The following DSC2 variants were observed in gnomAD, a reference collection of about 807,000 sequenced individuals.
DSC2 encodes desmocollin-2.
DSC2 carries 51 observed loss-of-function variants against 87.6 expected under a neutral mutation model. That is an observed-to-expected ratio of 0.58 (90% CI 0.46 to 0.74). DSC2 has a LOEUF of 0.74. Ranked by LOEUF, DSC2 falls within the 30% of genes least tolerant of loss-of-function variation. The pLI is 0.00. For synonymous variants in DSC2, 383 were observed against 393.2 expected (o/e 0.97, Z 0.31); for missense variants, 1,066 against 1,089.5 (o/e 0.98, Z 0.30).
rs141393232 is a variant in DSC2, at chr18:31,077,613, T to C, written c.1663+2234A>G. On this transcript the variant is annotated intron_variant, in intron 11 of 15. Coordinates refer to ENST00000280904, the MANE Select transcript of DSC2 (RefSeq NM_024422.6). The stretch of plus-strand genomic sequence containing the variant: ...TATCTAATCCACTGTGTTTCATAGC[T>C]GTTTTTCATATGCTGATGAGTTATA... Among the ~76,000 whole-genome samples the C allele has an allele frequency of 6.6e-5, 10 of 152,358 alleles. No individual in the cohort carries two copies. The East Asian group carries it at 1.7e-3, about 26-fold the overall frequency.
chr18:31,101,808 T>TACC, intron 1 of DSC2, 95 bp downstream of exon 1: 1 of 1,323,898 alleles, frequency 7.6e-7, no homozygotes, highest in Non-Finnish European at 1.0e-6. Flanking sequence ...CCCCAGCTTT[T>TACC]CCCGCCACCC....
intron 4 of DSC2, 21 bp downstream of exon 4, chr18:31,091,007 C>T (rs763422535): frequency 6.2e-7 from 1 of 1,613,794 alleles, no homozygotes; most frequent in Admixed American, 1.7e-5. Flanking sequence ...ACTCCCACAG[C>T]AGAAAGAAAG....
intron 4 of DSC2, 29 bp from the exon 5 acceptor site, chr18:31,089,623 C>T (rs749225532): frequency 3.1e-6 from 5 of 1,602,314 alleles, no homozygotes; most frequent in Non-Finnish European, 4.3e-6. Flanking sequence ...ATACATGAGA[C>T]AAATCTTTAT....
rs886053684 is a variant in DSC2 at position 31,066,571 on chromosome 18, T to C, written c.*1444A>G. ...TTGTGAATTGAAGACAGGCACATTA[T>C]AGATAATCAAAAATATTAGAAACAC... On this transcript the variant is annotated 3_prime_UTR_variant, in exon 16 of 16. Transcript: ENST00000280904. The C allele has an allele frequency of 3.9e-5, 6 of 152,168 alleles. No homozygotes were observed. Among genetic ancestry groups the C allele is most frequent in the Non-Finnish European group, 8.8e-5 (6 of 68,004 alleles). 9.4% of individuals were successfully genotyped at this position (152,168 alleles called of 1,614,324 possible).
At chr18:31,086,319 C>T (rs760495525) in intron 7 of DSC2, among the ~76,000 whole-genome samples, 17 of 152,078 alleles carry the variant, frequency 1.1e-4, no homozygotes, top group Non-Finnish European at 1.9e-4. Context: ...TCATATTTGA[C>T]ATTTTGTTTT....
chr18:31,090,969 T>A, intron 4 of DSC2, 59 bp downstream of exon 4: 1 of 1,608,880 alleles, frequency 6.2e-7, no homozygotes, highest in Non-Finnish European at 8.5e-7. Context: ...ATACTCAGTG[T>A]CATAATGGTA....
chr18:31,093,833 A>G (rs2144851218), intron 1 of DSC2, among the ~76,000 whole-genome samples, 190 bp from the exon 2 acceptor site: 1 of 149,514 alleles, frequency 6.7e-6, no homozygotes, highest in South Asian at 2.1e-4. Context: ...TTAAATATAA[A>G]TACATGAATT....
intron 7 of DSC2, 58 bp from the exon 8 acceptor site, chr18:31,083,118 T>A: frequency 6.3e-7 from 1 of 1,574,812 alleles, no homozygotes; most frequent in Non-Finnish European, 8.6e-7. Context: ...ATAATTGAAA[T>A]CTTACTTTAC....
intron 14 of DSC2, among the ~76,000 whole-genome samples, 190 bp downstream of exon 14, chr18:31,070,536 C>G (rs912788402): frequency 3.3e-5 from 5 of 152,170 alleles, no homozygotes; most frequent in African/African-American, 1.2e-4. Flanking sequence ...TAACACACTA[C>G]GGCCAAATTT....
intron 1 of DSC2, among the ~76,000 whole-genome samples, chr18:31,097,048 C>T (rs1023245360): frequency 2.0e-5 from 3 of 151,490 alleles, no homozygotes; most frequent in Admixed American, 6.6e-5. Context: ...TTTGGGAGGC[C>T]GAGGTGGGCA....
chr18:31,075,546 A>G (rs1567975011), intron 11 of DSC2, among the ~76,000 whole-genome samples: 1 of 152,208 alleles, frequency 6.6e-6, no homozygotes, highest in Non-Finnish European at 1.5e-5. Context: ...CTATCTGTAT[A>G]TTCAATAGAA....
chr18:31,073,458 G>A (rs2144795884), intron 12 of DSC2, among the ~76,000 whole-genome samples: 1 of 151,900 alleles, frequency 6.6e-6, no homozygotes, highest in East Asian at 1.9e-4. Flanking sequence ...AGTTCACAGA[G>A]CAGGATCCAA....
chr18:31,077,142 A>G (rs1987048020), intron 11 of DSC2, among the ~76,000 whole-genome samples: 1 of 152,262 alleles, frequency 6.6e-6, no homozygotes, highest in African/African-American at 2.4e-5. Flanking sequence ...GAAGCAGGAA[A>G]CAACGCAACT....
intron 12 of DSC2, among the ~76,000 whole-genome samples, chr18:31,073,553 C>G (rs2144796133): frequency 6.6e-6 from 1 of 152,256 alleles, no homozygotes; most frequent in Middle Eastern, 3.4e-3. Flanking sequence ...CATAACCTTT[C>G]TTTTCTAATT....
chr18:31,093,664 A>C lies in DSC2; in HGVS notation c.70-21T>G, dbSNP rs552609824. The C allele has an allele frequency of 2.1e-5, 32 of 1,518,806 alleles. 1 individual carries two copies. The South Asian group carries it at 3.8e-4, about 18-fold the overall frequency. The allele number at this position is 1,518,806 out of a possible 1,614,324, so 94.1% of individuals were successfully genotyped here. A position where few individuals can be genotyped will look rare whatever the true frequency, so the allele number is the denominator to read the frequency against. On this transcript the variant is annotated intron_variant, in intron 1 of 15. Transcript: ENST00000280904. ...AAGATCTAAAAAATGAAAAAAAATC[A>C]AATAAATATTATGCATAAAAAGAAA...
chr18:31,091,757 A>C (rs1987606669), intron 3 of DSC2, among the ~76,000 whole-genome samples: 1 of 152,346 alleles, frequency 6.6e-6, no homozygotes, highest in East Asian at 1.9e-4. Flanking sequence ...TGAATGCGAG[A>C]AAAAAGCTTT....
In DSC2 at chr18:31,059,964, T is replaced by C. The variant is rs1986469683; in HGVS notation, c.*8051A>G. On this transcript the variant is annotated 3_prime_UTR_variant, in exon 16 of 16. Coordinates refer to ENST00000280904, the MANE Select transcript of DSC2 (RefSeq NM_024422.6). ...TTATTCCTAATTTGTCCTTATTTGA[T>C]ATGCTAGAAATTTGAGGTTTCTGTG... The C allele has an allele frequency of 6.6e-6, 1 of 152,172 alleles. No homozygotes were observed. Among genetic ancestry groups the C allele is most frequent in the South Asian group, 2.1e-4 (1 of 4,832 alleles). The allele number at this position is 152,172 out of a possible 1,614,324, so 9.4% of individuals were successfully genotyped here.
intron 11 of DSC2, among the ~76,000 whole-genome samples, chr18:31,076,260 G>A (rs1391461721): frequency 6.6e-6 from 1 of 152,128 alleles, no homozygotes; most frequent in Non-Finnish European, 1.5e-5. Context: ...TGGGTCAGGA[G>A]CACTAGGCCA....
intron 4 of DSC2, among the ~76,000 whole-genome samples, chr18:31,090,409 T>C (rs1476281413): frequency 6.6e-6 from 1 of 152,130 alleles, no homozygotes; most frequent in East Asian, 1.9e-4. Flanking sequence ...CTGGGGTTTC[T>C]ACTGAAAGTT....
Sources: gnomAD v4.1 joint callset for allele counts (sites outside exome capture counted in the v4.1 genomes callset) on GRCh38, gnomAD v4.1.1 for gene constraint, MANE v1.5 for transcripts, NCBI Gene and HGNC (gene_info 2026-07-23, HGNC 2026-07-21) for gene names.